The following ZC3H18 variants were observed in gnomAD, a reference collection of about 807,000 sequenced individuals.
ZC3H18 encodes zinc finger CCCH domain-containing protein 18.
A neutral mutation model predicts 106.1 loss-of-function variants in ZC3H18; 8 were observed. The observed-to-expected ratio is 0.08, with a 90% CI of 0.04 to 0.14. The LOEUF is 0.14. ZC3H18 is among the 10% of genes least tolerant of loss of function. The pLI is 1.00. For synonymous variants in ZC3H18, 635 were observed against 522.1 expected (o/e 1.22, Z -2.95); for missense variants, 1,318 against 1,278.4 (o/e 1.03, Z -0.47).
At chr16:88,610,567 C>T (rs72809466) in intron 7 of ZC3H18, among the ~76,000 whole-genome samples, 10,165 of 152,308 alleles carry the variant, frequency 0.067, 456 homozygotes, top group Middle Eastern at 0.099. Flanking sequence ...CAGGGAGGCT[C>T]GGGGTGCACC....
At chr16:88,579,598 A>AC (rs1914985148) in intron 2 of ZC3H18, among the ~76,000 whole-genome samples, 2 of 152,158 alleles carry the variant, frequency 1.3e-5, no homozygotes, top group Non-Finnish European at 2.9e-5. Flanking sequence ...CCTGGCTGCC[A>AC]AGGGCCTGGA....
intron 11 of ZC3H18, 151 bp from the exon 12 acceptor site, chr16:88,624,451 G>T: frequency 4.8e-6 from 6 of 1,242,284 alleles, no homozygotes; most frequent in Non-Finnish European, 6.7e-6. Flanking sequence ...GACACCGATG[G>T]GTGGGGAGCC....
intron 3 of ZC3H18, 138 bp from the exon 4 acceptor site, chr16:88,598,040 C>G: frequency 1.4e-6 from 1 of 707,402 alleles, no homozygotes; most frequent in Non-Finnish European, 2.2e-6. Context: ...CCTCCCCGTT[C>G]AGTTCCCACT....
intron 1 of ZC3H18, among the ~76,000 whole-genome samples, chr16:88,574,334 C>T (rs1484646082): frequency 1.3e-5 from 2 of 151,966 alleles, no homozygotes; most frequent in East Asian, 1.9e-4. Context: ...CTCAGCCTCC[C>T]AAGTAGCTTG....
intron 10 of ZC3H18, 94 bp downstream of exon 10, chr16:88,623,438 G>A: frequency 6.6e-7 from 1 of 1,521,356 alleles, no homozygotes; most frequent in Non-Finnish European, 8.8e-7. Flanking sequence ...GTAGCCCCTT[G>A]GGGTATTGAA....
intron 8 of ZC3H18, among the ~76,000 whole-genome samples, chr16:88,619,015 A>G (rs1905794615): frequency 6.6e-6 from 1 of 152,092 alleles, no homozygotes; most frequent in African/African-American, 2.4e-5. Context: ...GGTTTTTCCA[A>G]GTCTAATCAG....
At position 88,580,126 on chromosome 16, in the gene ZC3H18, C is replaced by T. The variant is rs1330764891; in HGVS notation, c.603+2400C>T. 2.0e-5 allele frequency among the ~76,000 whole-genome samples: 3 copies of T among 150,880 alleles called. No individual in the cohort carries two copies. The South Asian group carries it at 6.3e-4, about 31-fold the overall frequency. On this transcript the variant is annotated intron_variant, in intron 2 of 17. Transcript: ENST00000301011. ...TTTGCGTAGGCTGTTTCTCTGTTGC[C>T]TCTGCCTCTCTGTCGTGACACAGGT...
chr16:88,602,950 A>C (rs537901508), intron 6 of ZC3H18, among the ~76,000 whole-genome samples: 2 of 152,238 alleles, frequency 1.3e-5, no homozygotes, highest in African/African-American at 4.8e-5. Flanking sequence ...ATAAAGGACA[A>C]GAAAATTGTT....
chr16:88,607,660 G>A (rs1040636510), intron 6 of ZC3H18, among the ~76,000 whole-genome samples: 8 of 139,642 alleles, frequency 5.7e-5, no homozygotes, highest in African/African-American at 1.4e-4. Flanking sequence ...TTCATGTCAC[G>A]TGTCTCCCCA....
chr16:88,577,774 T>C, intron 2 of ZC3H18, 48 bp downstream of exon 2: 1 of 1,611,292 alleles, frequency 6.2e-7, no homozygotes, highest in East Asian at 2.2e-5. Flanking sequence ...CCCAGCAGCC[T>C]GACATAGACT....
Position 88,631,233 on chromosome 16 carries a change from G to C in ZC3H18, c.2796G>C (p.Leu932=), listed in dbSNP as rs1906673646. ...ASTLSRREEL[L]KQLKAVEDAI... is the part of the protein sequence containing the mutation. ...CGCTGTCTCGGCGGGAGGAGCTGCT[G>C]AAACAGCTGAAGGCCGTGGAGGATG... The change falls in exon 18 of 18, where the codon CTG becomes CTC. Residue 932 remains leucine (L), a synonymous_variant. Coordinates refer to ENST00000301011, the MANE Select transcript of ZC3H18 (RefSeq NM_144604.4). 1 of 1,612,904 alleles carries C rather than the reference G, an allele frequency of 6.2e-7. No individual in the cohort carries two copies. The highest frequency in any genetic ancestry group is 1.3e-5 in the African/African-American group (1 of 74,888).
At chr16:88,581,327 C>G (rs973541417) in intron 2 of ZC3H18, among the ~76,000 whole-genome samples, 1 of 152,184 alleles carries the variant, frequency 6.6e-6, no homozygotes, top group Admixed American at 6.5e-5. Context: ...TCTCTTCTCT[C>G]AGGGCACATG....
intron 11 of ZC3H18, chr16:88,624,308 G>A: frequency 1.5e-6 from 1 of 657,418 alleles, no homozygotes; most frequent in East Asian, 2.7e-5. Context: ...GGACACGGCA[G>A]CAGCCGGGTG....
chr16:88,598,763 T>C, intron 5 of ZC3H18, 51 bp downstream of exon 5: 2 of 1,542,950 alleles, frequency 1.3e-6, no homozygotes, highest in Non-Finnish European at 1.8e-6. Context: ...ATTACAGGAG[T>C]GGTTCTTGAC....
chr16:88,571,967 G>A (rs533383590), intron 1 of ZC3H18, among the ~76,000 whole-genome samples: 27 of 152,350 alleles, frequency 1.8e-4, no homozygotes, highest in African/African-American at 6.0e-4. Context: ...TTCTTTGCCA[G>A]AATCTCTTTA....
At chr16:88,598,412 T>C (rs1904563443) in intron 4 of ZC3H18, 86 bp downstream of exon 4, 24 of 1,526,814 alleles carry the variant, frequency 1.6e-5, no homozygotes, top group Non-Finnish European at 1.9e-5. Flanking sequence ...TCACTGTGCC[T>C]TAGCACAGGC....
intron 2 of ZC3H18, among the ~76,000 whole-genome samples, chr16:88,586,225 G>A (rs1740046805): frequency 6.6e-6 from 1 of 152,184 alleles, no homozygotes; most frequent in African/African-American, 2.4e-5. Flanking sequence ...GGATGTTTGT[G>A]TTTAAGGGAC....
Position 88,577,110 on chromosome 16 carries a change from A to T in ZC3H18, c.-14A>T. 1 of 1,518,178 alleles carries T rather than the reference A, an allele frequency of 6.6e-7. No individual in the cohort carries two copies. Among genetic ancestry groups the T allele is most frequent in the Non-Finnish European group, 8.8e-7 (1 of 1,132,710 alleles). The allele number at this position is 1,518,178 out of a possible 1,614,324, so 94.0% of individuals were successfully genotyped here. ...TCAATCTGTATTCTCTCTTTTGCAG[A>T]ACCGTGGGTACCGATGGATGTGGCC... On this transcript the variant is annotated splice_region_variant and 5_prime_UTR_variant, in exon 2 of 18. Transcript: ENST00000301011.
At chr16:88,591,369 T>G (rs904440900) in intron 3 of ZC3H18, among the ~76,000 whole-genome samples, 3 of 152,142 alleles carry the variant, frequency 2.0e-5, no homozygotes, top group African/African-American at 7.2e-5. Flanking sequence ...GGTTAGGAGT[T>G]CGAGACCAGA....
Sources: gnomAD v4.1 joint callset for allele counts (sites outside exome capture counted in the v4.1 genomes callset) on GRCh38, gnomAD v4.1.1 for gene constraint, MANE v1.5 for transcripts, NCBI Gene and HGNC (gene_info 2026-07-23, HGNC 2026-07-21) for gene names.